The following GRM5 variants were observed in gnomAD, a reference collection of about 807,000 sequenced individuals.
GRM5 encodes metabotropic glutamate receptor 5.
Under a neutral mutation model 83.1 loss-of-function variants are expected in GRM5, and 19 were observed. The ratio of observed to expected loss-of-function variants is 0.23; its 90% CI spans 0.16 to 0.34. The LOEUF (loss-of-function observed/expected upper bound fraction) is 0.34. GRM5 is among the 10% of genes least tolerant of loss of function. The pLI is 1.00. For missense variants in GRM5, 1,160 were observed against 1,588.3 expected, an observed-to-expected ratio of 0.73 and a Z score of 4.58; for synonymous variants, 675 against 633.6, an observed-to-expected ratio of 1.07 and a Z score of -0.98.
intron 3 of GRM5, among the ~76,000 whole-genome samples, chr11:88,814,614 T>A (rs1943639120): frequency 6.6e-6 from 1 of 152,222 alleles, no homozygotes; most frequent in East Asian, 1.9e-4. Flanking sequence ...TAACAAATTA[T>A]AAAATAGTAG....
chr11:88,533,198 T>C (rs1202858023), intron 8 of GRM5, among the ~76,000 whole-genome samples: 2 of 152,178 alleles, frequency 1.3e-5, no homozygotes, highest in Non-Finnish European at 2.9e-5. Context: ...TACCTCCCAC[T>C]CCCTGACTAT....
At chr11:88,560,984 T>C (rs1413328576) in intron 8 of GRM5, among the ~76,000 whole-genome samples, 2 of 152,106 alleles carry the variant, frequency 1.3e-5, no homozygotes, top group Non-Finnish European at 2.9e-5. Context: ...GTAAATCTGA[T>C]AGGGTCTCAT....
At chr11:88,707,946 G>C (rs1312261036) in intron 3 of GRM5, among the ~76,000 whole-genome samples, 1 of 151,962 alleles carries the variant, frequency 6.6e-6, no homozygotes, top group Non-Finnish European at 1.5e-5. Context: ...AGGCATTTCT[G>C]ATTTTCCAGA....
At chr11:88,679,816 TTTACCA>T (rs1476815024) in intron 3 of GRM5, among the ~76,000 whole-genome samples, 1 of 152,152 alleles carries the variant, frequency 6.6e-6, no homozygotes. Context: ...AGACAAAAGC[TTTACCA>T]CATGCTCAAC....
intron 4 of GRM5, among the ~76,000 whole-genome samples, chr11:88,632,732 A>ATGTT (rs1305953993): frequency 3.3e-5 from 5 of 152,178 alleles, no homozygotes; most frequent in African/African-American, 1.2e-4. Flanking sequence ...TGGTGGGTAT[A>ATGTT]TGTTTAACTT....
intron 2 of GRM5, among the ~76,000 whole-genome samples, chr11:88,910,626 C>G (rs969617974): frequency 2.6e-5 from 4 of 152,000 alleles, no homozygotes; most frequent in African/African-American, 9.7e-5. Flanking sequence ...AATTCTCAAA[C>G]ATATATGTTT....
chr11:88,848,454 A>G (rs1313119767), intron 3 of GRM5, among the ~76,000 whole-genome samples: 2 of 152,214 alleles, frequency 1.3e-5, no homozygotes, highest in African/African-American at 4.8e-5. Flanking sequence ...ATTTCCCTTA[A>G]TAAGCCATCA....
chr11:88,782,013 T>C (rs1489008010), intron 3 of GRM5, among the ~76,000 whole-genome samples: 1 of 152,138 alleles, frequency 6.6e-6, no homozygotes, highest in Non-Finnish European at 1.5e-5. Flanking sequence ...TTGAAAAGTA[T>C]TGTGATTCAT....
chr11:88,725,091 G>A (rs12282362), intron 3 of GRM5, among the ~76,000 whole-genome samples: 15,842 of 152,190 alleles, frequency 0.1, 1,684 homozygotes, highest in African/African-American at 0.27. Context: ...AGGGAGCCAA[G>A]TGGATCCCAT....
intron 4 of GRM5, among the ~76,000 whole-genome samples, chr11:88,622,870 C>G (rs1938678262): frequency 1.3e-5 from 2 of 152,082 alleles, no homozygotes; most frequent in Non-Finnish European, 2.9e-5. Flanking sequence ...TATTTTGCCA[C>G]TTACTAGTTG....
At chr11:88,700,459 G>C (rs1941005400) in intron 3 of GRM5, among the ~76,000 whole-genome samples, 1 of 152,132 alleles carries the variant, frequency 6.6e-6, no homozygotes. Context: ...AAGCAATAGA[G>C]ACAACAGCTG....
At chr11:88,804,299 A>G (rs1036624885) in intron 3 of GRM5, among the ~76,000 whole-genome samples, 2 of 147,186 alleles carry the variant, frequency 1.4e-5, no homozygotes, top group African/African-American at 2.6e-5. Context: ...ATGTCCAACA[A>G]TGATAGACTG....
chr11:88,911,120 T>A (rs867117004), intron 2 of GRM5, among the ~76,000 whole-genome samples: 1 of 152,104 alleles, frequency 6.6e-6, no homozygotes, highest in East Asian at 1.9e-4. Context: ...AAGTCACGTG[T>A]TCCCAAAAGA....
intron 9 of GRM5, among the ~76,000 whole-genome samples, chr11:88,512,658 C>G (rs1369051780): frequency 6.6e-6 from 1 of 152,112 alleles, no homozygotes; most frequent in African/African-American, 2.4e-5. Flanking sequence ...ATCCCAGATA[C>G]TTGGAAAAGA....
At chr11:88,558,762 C>T (rs1201117437) in intron 8 of GRM5, among the ~76,000 whole-genome samples, 2 of 129,388 alleles carry the variant, frequency 1.5e-5, no homozygotes, top group African/African-American at 3.1e-5. Flanking sequence ...GATCATACCT[C>T]TGCACTACAG....
At chr11:88,613,857 C>T (rs1938395739) in intron 4 of GRM5, among the ~76,000 whole-genome samples, 1 of 152,134 alleles carries the variant, frequency 6.6e-6, no homozygotes, top group South Asian at 2.1e-4. Flanking sequence ...CTCTGACACT[C>T]TATATACCTT....
At chr11:89,026,993 A>G (rs1313139506) in intron 2 of GRM5, among the ~76,000 whole-genome samples, 2 of 152,190 alleles carry the variant, frequency 1.3e-5, no homozygotes, top group African/African-American at 2.4e-5. Context: ...TCTTCTCAAG[A>G]GACAGAGACA....
At chr11:88,897,293 C>G (rs1046187572) in intron 2 of GRM5, among the ~76,000 whole-genome samples, 1 of 151,890 alleles carries the variant, frequency 6.6e-6, no homozygotes, top group Admixed American at 6.6e-5. Context: ...GGGTTCATCC[C>G]TTTTCTTCTG....
chr11:88,890,867 G>T (rs1945133570), intron 2 of GRM5, among the ~76,000 whole-genome samples: 1 of 152,112 alleles, frequency 6.6e-6, no homozygotes, highest in African/African-American at 2.4e-5. Flanking sequence ...ATGTATTTGA[G>T]ATCACTGAAC....
Sources: allele counts gnomAD v4.1 joint callset (sites outside exome capture counted in the v4.1 genomes callset), GRCh38; gene constraint gnomAD v4.1.1; transcripts MANE v1.5; gene names NCBI Gene and HGNC (gene_info 2026-07-23, HGNC 2026-07-21).